PHACTR3: variants seen among roughly 807,000 people sequenced by gnomAD.
PHACTR3 encodes the protein protein phosphatase 1, regulatory subunit 123.
In PHACTR3, 16 loss-of-function variants were observed where a neutral mutation model predicts 66.8. The ratio of observed to expected loss-of-function variants is 0.24; its 90% CI spans 0.16 to 0.36. The LOEUF is 0.36. Ranked by LOEUF, PHACTR3 falls within the 10% of genes least tolerant of loss-of-function variation. The pLI is 1.00. For synonymous variants in PHACTR3, 323 were observed against 292.1 expected, an observed-to-expected ratio of 1.11 and a Z score of -1.08; for missense variants, 647 against 719.9, an observed-to-expected ratio of 0.90 and a Z score of 1.16.
At chr20:59,622,981 C>CAAA (rs71183177) in intron 1 of PHACTR3, among the ~76,000 whole-genome samples, 5,452 of 32,230 alleles carry the variant, frequency 0.17, 1,225 homozygotes, top group East Asian at 0.62. Context: ...CAGCTTTAAC[C>CAAA]AAAAAAAAAA....
At chr20:59,656,255 C>T (rs552706552) in intron 1 of PHACTR3, among the ~76,000 whole-genome samples, 6 of 151,942 alleles carry the variant, frequency 3.9e-5, no homozygotes, top group South Asian at 2.1e-4. Context: ...ATTGAAGTCT[C>T]CGATTTTTAT....
At chr20:59,724,355 C>G (rs971490656) in intron 1 of PHACTR3, among the ~76,000 whole-genome samples, 4 of 152,148 alleles carry the variant, frequency 2.6e-5, no homozygotes, top group East Asian at 3.9e-4. Context: ...GCTTGCTAGG[C>G]TGGGAACTGT....
At chr20:59,775,296 G>C (rs1026322628) in intron 7 of PHACTR3, among the ~76,000 whole-genome samples, 1 of 152,174 alleles carries the variant, frequency 6.6e-6, no homozygotes, top group Non-Finnish European at 1.5e-5. Flanking sequence ...GCCTGCAAGG[G>C]AAGGATCAGG....
At chr20:59,634,784 G>A (rs1277964051) in intron 1 of PHACTR3, among the ~76,000 whole-genome samples, 2 of 152,340 alleles carry the variant, frequency 1.3e-5, no homozygotes, top group South Asian at 2.1e-4. Flanking sequence ...GCGCCATGCC[G>A]CCCGGGATTG....
chr20:59,714,110 T>TA (rs1372010690), intron 1 of PHACTR3, among the ~76,000 whole-genome samples: 2 of 152,220 alleles, frequency 1.3e-5, no homozygotes, highest in African/African-American at 2.4e-5. Flanking sequence ...TCTAGGAATT[T>TA]AAAAAATATA....
In PHACTR3 at chr20:59,746,437, G is replaced by A. The variant is rs114294468; in HGVS notation, c.281-1321G>A. Among the ~76,000 whole-genome samples the A allele has an allele frequency of 3.1e-3, 477 of 152,340 alleles. 2 individuals carry two copies. Among genetic ancestry groups the A allele is most frequent in the African/African-American group, 0.011 (457 of 41,582 alleles). Reference sequence around the variant, plus strand: ...TGCCTGACATGGTGCCTGGCACACAGTAGGTGCTCAGTAAATGTGTAAGGG... The same window carrying A: ...TGCCTGACATGGTGCCTGGCACACAATAGGTGCTCAGTAAATGTGTAAGGG... On this transcript the variant is annotated intron_variant, in intron 2 of 12. Coordinates refer to ENST00000371015, the MANE Select transcript of PHACTR3 (RefSeq NM_080672.5).
At chr20:59,631,019 G>T (rs766344121) in intron 1 of PHACTR3, among the ~76,000 whole-genome samples, 1 of 152,234 alleles carries the variant, frequency 6.6e-6, no homozygotes, top group South Asian at 2.1e-4. Flanking sequence ...ATGCTGGCAT[G>T]TGGAGCTAGC....
intron 12 of PHACTR3, 145 bp from the exon 13 acceptor site, chr20:59,846,970 C>G (rs532831957): frequency 5.6e-6 from 3 of 532,608 alleles, no homozygotes; most frequent in Admixed American, 5.9e-5. Flanking sequence ...CTATTTTAAC[C>G]AGAGTAGCTC....
In PHACTR3 at chr20:59,820,135, C is replaced by T. The variant is rs1017104179; in HGVS notation, c.1328+13941C>T. On this transcript the variant is annotated intron_variant, in intron 8 of 12. Coordinates refer to ENST00000371015, the MANE Select transcript of PHACTR3 (RefSeq NM_080672.5). This position sits in a 1 kb window ranked among gnomAD's most constrained non-coding sequence, Gnocchi z 4.6. ...CCTTCCTGAGCTCTTGGCGTGGCACCACCTCCTGCTTCACCACTGTGGTGA... is the reference window on the plus strand; with the variant it reads ...CCTTCCTGAGCTCTTGGCGTGGCACTACCTCCTGCTTCACCACTGTGGTGA... Among the ~76,000 whole-genome samples the T allele has an allele frequency of 6.6e-6, 1 of 152,148 alleles. No homozygotes were observed. Among genetic ancestry groups the T allele is most frequent in the East Asian group, 1.9e-4 (1 of 5,184 alleles).
intron 1 of PHACTR3, among the ~76,000 whole-genome samples, chr20:59,579,158 G>A (rs1489007041): frequency 1.3e-5 from 2 of 152,300 alleles, no homozygotes; most frequent in Admixed American, 6.5e-5. Flanking sequence ...CCTAACCTTC[G>A]GCAGCTTGGC....
chr20:59,597,959 T>A (rs1033850437), intron 1 of PHACTR3, among the ~76,000 whole-genome samples: 1 of 152,236 alleles, frequency 6.6e-6, no homozygotes, highest in Non-Finnish European at 1.5e-5. Context: ...CAGAAGCCTG[T>A]TCCTCTCCTT....
chr20:59,761,546 A>G (rs888893785), intron 4 of PHACTR3, among the ~76,000 whole-genome samples: 15 of 152,218 alleles, frequency 9.9e-5, no homozygotes, highest in African/African-American at 3.6e-4. Context: ...CTGCCCTGGT[A>G]GCCCTCTTGA....
At chr20:59,761,114 A>T (rs2039978739) in intron 4 of PHACTR3, among the ~76,000 whole-genome samples, 1 of 152,082 alleles carries the variant, frequency 6.6e-6, no homozygotes, top group Non-Finnish European at 1.5e-5. Flanking sequence ...TAGAACAAGG[A>T]CTGTCAAATT....
intron 1 of PHACTR3, among the ~76,000 whole-genome samples, chr20:59,742,812 C>T (rs1253668827): frequency 2.6e-5 from 4 of 152,052 alleles, no homozygotes; most frequent in Admixed American, 6.5e-5. Context: ...GGGCAGGCAG[C>T]GTTTCATGCT....
At chr20:59,778,626 C>G (rs1330039179) in intron 7 of PHACTR3, among the ~76,000 whole-genome samples, 1 of 152,220 alleles carries the variant, frequency 6.6e-6, no homozygotes, top group Admixed American at 6.5e-5. Context: ...CTCCGCGAGA[C>G]CAAGTCTTCG....
At chr20:59,622,856 C>G (rs1385792328) in intron 1 of PHACTR3, among the ~76,000 whole-genome samples, 1 of 151,806 alleles carries the variant, frequency 6.6e-6, no homozygotes, top group Non-Finnish European at 1.5e-5. Context: ...AAGCTGTGAA[C>G]TGCTATCCAG....
intron 1 of PHACTR3, among the ~76,000 whole-genome samples, chr20:59,672,632 C>A (rs946543596): frequency 1.3e-5 from 2 of 152,200 alleles, no homozygotes; most frequent in South Asian, 4.1e-4. Context: ...GCACTCGGCA[C>A]ATGGAACCTG....
chr20:59,614,544 C>T (rs888767705), intron 1 of PHACTR3, among the ~76,000 whole-genome samples: 3 of 152,206 alleles, frequency 2.0e-5, no homozygotes, highest in African/African-American at 7.2e-5. Flanking sequence ...GATTAGTTGG[C>T]AGCCACGAAA....
chr20:59,785,570 C>T (rs761778357), intron 7 of PHACTR3, among the ~76,000 whole-genome samples: 7 of 152,112 alleles, frequency 4.6e-5, no homozygotes, highest in African/African-American at 4.8e-5. Context: ...CAAGAGAAAG[C>T]GCAGAGGGGA....
Sources: allele counts gnomAD v4.1 joint callset (sites outside exome capture counted in the v4.1 genomes callset), GRCh38; gene constraint gnomAD v4.1.1; non-coding constraint Gnocchi (gnomAD v3.1); transcripts MANE v1.5; gene names NCBI Gene and HGNC (gene_info 2026-07-23, HGNC 2026-07-21).